COMMD5: variants seen among roughly 807,000 people sequenced by gnomAD.
COMMD5 encodes the protein COMM domain containing 5.
Under a neutral mutation model 6.9 loss-of-function variants are expected in COMMD5, and 10 were observed. The ratio of observed to expected loss-of-function variants is 1.44; its 90% CI spans 0.89 to 2.45. The LOEUF (loss-of-function observed/expected upper bound fraction) is 2.45. Among genes scored for constraint, COMMD5 ranks in the 30% most tolerant of loss-of-function variants. The probability of loss-of-function intolerance (pLI) is 0.00; values close to 1 mark genes in which losing one functional copy is unlikely to be tolerated. For missense variants in COMMD5, 234 were observed against 287.8 expected (o/e 0.81, Z 1.35); for synonymous variants, 127 against 125.3 (o/e 1.01, Z -0.09).
At chr8:144,842,657 G>A (rs1307184065) in intron 1 of COMMD5, 1 of 1,614,068 alleles carries the variant, frequency 6.2e-7, no homozygotes, top group African/African-American at 1.3e-5. Flanking sequence ...TACCATCAGA[G>A]AATCCATAAA....
At chr8:144,842,736 T>C (rs1368429416) in intron 1 of COMMD5, 2 of 1,614,034 alleles carry the variant, frequency 1.2e-6, no homozygotes, top group South Asian at 2.2e-5. Flanking sequence ...TTACAATACA[T>C]CAAAGGGTTC....
chr8:144,850,237 G>A lies in COMMD5; in HGVS notation c.*427C>T, dbSNP rs1830674853. ...CCCCTCCCCTCAGCCGCACTAGAATGTCAGCTCCATGGGGTCAGGGATTTA... is the reference window on the plus strand; with the variant it reads ...CCCCTCCCCTCAGCCGCACTAGAATATCAGCTCCATGGGGTCAGGGATTTA... On this transcript the variant is annotated 3_prime_UTR_variant, in exon 2 of 2. Coordinates refer to ENST00000305103, the MANE Select transcript of COMMD5 (RefSeq NM_014066.4). The surrounding 1 kb of genome is among the most constrained non-coding windows in gnomAD (Gnocchi z 4.0). 1 of 162,774 alleles carries A rather than the reference G, an allele frequency of 6.1e-6. No homozygotes were observed. Among genetic ancestry groups the A allele is most frequent in the African/African-American group, 2.4e-5 (1 of 41,722 alleles). The allele number at this position is 162,774 out of a possible 1,614,324, so 10.1% of individuals were successfully genotyped here. A position where few individuals can be genotyped will look rare whatever the true frequency, so the allele number is the denominator to read the frequency against.
At chr8:144,842,087 T>C (rs769550912) in intron 1 of COMMD5, 1 of 1,614,010 alleles carries the variant, frequency 6.2e-7, no homozygotes, top group South Asian at 1.1e-5. Flanking sequence ...CATCAGAGAA[T>C]CCACACAGGA....
chr8:144,849,337 A>C (rs929924956), downstream of COMMD5, among the ~76,000 whole-genome samples: 2 of 152,156 alleles, frequency 1.3e-5, no homozygotes, highest in African/African-American at 2.4e-5. Flanking sequence ...GGCAGGACCC[A>C]CAAGCATGCA....
At chr8:144,842,743 G>A (rs1830114004) in intron 1 of COMMD5, 2 of 1,613,120 alleles carry the variant, frequency 1.2e-6, no homozygotes, top group South Asian at 2.2e-5. Flanking sequence ...ACATCAAAGG[G>A]TTCACACTGG....
chr8:144,844,070 G>C (rs1241342196), intron 1 of COMMD5, among the ~76,000 whole-genome samples: 1 of 152,172 alleles, frequency 6.6e-6, no homozygotes, highest in Non-Finnish European at 1.5e-5. Context: ...GAAGCAAGGT[G>C]TCACAGCAAG....
Position 144,850,758 on chromosome 8 carries a change from G to A in COMMD5, c.581C>T (p.Thr194Ile). ...GTACCGCAGCTCCTGGAACTTGGCT[G>A]TGGGGACCTCAAAGCGGTATGCTGA... Reference protein sequence around the residue: ...DGSAYRFEVPTAKFQELRYSV... With the variant: ...DGSAYRFEVPIAKFQELRYSV... The change falls in exon 2 of 2, where the codon ACA becomes ATA. Residue 194 changes from threonine (T) to isoleucine (I), a missense_variant. Transcript: ENST00000305103. This position sits in a 1 kb window ranked among gnomAD's most constrained non-coding sequence, Gnocchi z 4.0. 6.2e-7 allele frequency: 1 copy of A among 1,614,216 alleles called. No homozygotes were observed. The highest frequency in any genetic ancestry group is 8.5e-7 in the Non-Finnish European group (1 of 1,180,056).
At position 144,851,193 on chromosome 8, in the gene COMMD5, C is replaced by T; in HGVS notation, c.146G>A (p.Arg49Lys). The change falls in exon 2 of 2, where the codon AGA becomes AAA. Residue 49 changes from arginine to lysine, a missense_variant. Coordinates refer to ENST00000305103, the MANE Select transcript of COMMD5 (RefSeq NM_014066.4). ...LLGDLDRSTFRKLLKFVVSSL... is the reference protein window; with the variant it reads ...LLGDLDRSTFKKLLKFVVSSL... ...GCTGACCACAAACTTCAGCAACTTT[C>T]TGAACGTGCTCCTGTCTAGGTCCCC... 1 of 1,613,854 alleles carries T rather than the reference C, an allele frequency of 6.2e-7. No individual in the cohort carries two copies.
At chr8:144,843,382 G>T (rs1490962636) in intron 1 of COMMD5, 3 of 499,916 alleles carry the variant, frequency 6.0e-6, no homozygotes, top group Non-Finnish European at 1.0e-5. Flanking sequence ...GAGGTCAGGA[G>T]GTTGAGACCA....
chr8:144,841,972 C>T (rs1298022823), intron 1 of COMMD5: 1 of 1,614,016 alleles, frequency 6.2e-7, no homozygotes, highest in Non-Finnish European at 8.5e-7. Flanking sequence ...AGCCTTCCGC[C>T]TGAGCTCAAA....
intron 1 of COMMD5, chr8:144,843,214 TTAAC>T: frequency 6.7e-7 from 1 of 1,500,940 alleles, no homozygotes; most frequent in Non-Finnish European, 8.9e-7. Context: ...ACCTATAGCC[TTAAC>T]TTACTTATTT....
intron 1 of COMMD5, chr8:144,842,711 G>A (rs34385444): frequency 1.9e-6 from 3 of 1,614,168 alleles, no homozygotes. Flanking sequence ...AAAGCCTTCA[G>A]TATGAGCACA....
At chr8:144,852,496 G>A (rs1232669520) in intron 1 of COMMD5, 2 of 152,348 alleles carry the variant, frequency 1.3e-5, no homozygotes, top group Admixed American at 1.3e-4. Context: ...TGTCCTCGAG[G>A]CACTTGTCAG....
Position 144,850,655 on chromosome 8 carries a change from A to G in COMMD5, c.*9T>C. ...AGCCGGATCTGAATGGGACTGGTCA[A>G]GTGAGGGGTCAGTCCTGCAGTCTGC... On this transcript the variant is annotated 3_prime_UTR_variant, in exon 2 of 2. Transcript: ENST00000305103. This position sits in a 1 kb window ranked among gnomAD's most constrained non-coding sequence, Gnocchi z 4.0. The G allele has an allele frequency of 6.2e-7, 1 of 1,608,942 alleles. No individual in the cohort carries two copies.
downstream of COMMD5, among the ~76,000 whole-genome samples, chr8:144,845,555 A>G (rs1040216225): frequency 4.6e-5 from 7 of 152,078 alleles, no homozygotes; most frequent in Non-Finnish European, 7.4e-5. Flanking sequence ...CTGCTGCTCA[A>G]CCCTAATCTA....
At chr8:144,843,055 A>G (rs1830171234) in intron 1 of COMMD5, 2 of 1,614,148 alleles carry the variant, frequency 1.2e-6, no homozygotes, top group Admixed American at 1.7e-5. Flanking sequence ...TTCACACCTA[A>G]TTATACACCA....
intron 1 of COMMD5, among the ~76,000 whole-genome samples, chr8:144,851,974 C>CA (rs1444407126): frequency 6.6e-6 from 1 of 151,900 alleles, no homozygotes; most frequent in Non-Finnish European, 1.5e-5. Flanking sequence ...CCCGTTTCTA[C>CA]AAAAAATTTA....
At chr8:144,852,424 AAACGC>A (rs1419790629) in intron 1 of COMMD5, 1 of 152,322 alleles carries the variant, frequency 6.6e-6, no homozygotes, top group African/African-American at 2.4e-5. Flanking sequence ...ATGCCAGAGG[AAACGC>A]ACGTGCCCAC....
At chr8:144,845,291 G>A (rs781319110), downstream of COMMD5, among the ~76,000 whole-genome samples, 12 of 152,254 alleles carry the variant, frequency 7.9e-5, no homozygotes, top group Non-Finnish European at 1.3e-4. Context: ...TTCCCATGAC[G>A]CAGAGGCCCA....
Sources: gnomAD v4.1 joint callset for allele counts (sites outside exome capture counted in the v4.1 genomes callset) on GRCh38, gnomAD v4.1.1 for gene constraint, Gnocchi (gnomAD v3.1) non-coding constraint, MANE v1.5 for transcripts, NCBI Gene and HGNC (gene_info 2026-07-23, HGNC 2026-07-21) for gene names.